Variants in DIPK2A observed in about 807,000 individuals in gnomAD.
DIPK2A encodes the protein divergent protein kinase domain 2A.
A neutral mutation model predicts 39.0 loss-of-function variants in DIPK2A; 27 were observed. That is an observed-to-expected ratio of 0.69 (90% CI 0.51 to 0.96). The LOEUF (loss-of-function observed/expected upper bound fraction) is 0.96, where lower values mean the gene tolerates loss of function less well. Among genes scored for constraint, DIPK2A ranks in the 40% least tolerant of loss-of-function variants. The pLI is 0.00. For missense variants in DIPK2A, 528 were observed against 571.3 expected (o/e 0.92, Z 0.77); for synonymous variants, 298 against 240.8 (o/e 1.24, Z -2.20).
chr3:143,976,551 T>TGA (rs1328332012), intron 1 of DIPK2A, among the ~76,000 whole-genome samples: 13 of 96,568 alleles, frequency 1.3e-4, no homozygotes, highest in Non-Finnish European at 2.5e-4. Flanking sequence ...TGTGTGTGTG[T>TGA]GTGTGAGAGA....
At chr3:143,982,689 A>C (rs1465916788) in intron 1 of DIPK2A, among the ~76,000 whole-genome samples, 1 of 152,218 alleles carries the variant, frequency 6.6e-6, no homozygotes, top group Non-Finnish European at 1.5e-5. Context: ...AACAGCATCA[A>C]CTAATGAGCA....
intron 2 of DIPK2A, among the ~76,000 whole-genome samples, chr3:143,987,517 T>C (rs2087920696): frequency 6.6e-6 from 1 of 152,222 alleles, no homozygotes; most frequent in Non-Finnish European, 1.5e-5. Context: ...CTCTTTTCTT[T>C]CCACTTTCTA....
At chr3:143,973,950 C>G (rs2087694550) in intron 1 of DIPK2A, among the ~76,000 whole-genome samples, 1 of 152,262 alleles carries the variant, frequency 6.6e-6, no homozygotes, top group Middle Eastern at 3.4e-3. Context: ...GTGCGGTGTC[C>G]TTGAACAGTG....
chr3:143,983,604 G>A (rs555476171), intron 1 of DIPK2A, among the ~76,000 whole-genome samples: 31 of 152,200 alleles, frequency 2.0e-4, no homozygotes, highest in South Asian at 6.2e-4. Context: ...AGGAGAAAAC[G>A]AGAAAGGTGT....
intron 1 of DIPK2A, 154 bp downstream of exon 1, chr3:143,973,143 C>A: frequency 3.4e-6 from 4 of 1,170,172 alleles, no homozygotes; most frequent in Non-Finnish European, 4.9e-6. Flanking sequence ...CCGGGGGAGC[C>A]CCGGGGCTGT....
Position 143,989,775 on chromosome 3 carries a change from T to C in DIPK2A, c.1227T>C (p.Tyr409=), listed in dbSNP as rs1388982540. The C allele has an allele frequency of 2.5e-6, 4 of 1,614,074 alleles. No individual in the cohort carries two copies. The highest frequency in any genetic ancestry group is 3.4e-6 in the Non-Finnish European group (4 of 1,180,050). Residue 409 remains tyrosine (Y), a synonymous_variant, in exon 3 of 3, where the codon TAT becomes TAC. Transcript: ENST00000315691. ...LDECANPKKR[Y]GRFQAAKELR... is the part of the protein sequence containing the mutation. ...AGTGTGCCAACCCAAAGAAGCGCTA[T>C]GGCAGATTCCAGGCTGCAAAAGAAC...
At position 143,990,253 on chromosome 3, in the gene DIPK2A, GT is replaced by G. The variant is rs1241857451; in HGVS notation, c.*416del. 5.9e-5 allele frequency: 9 copies of G among 152,598 alleles called. No homozygotes were observed. The highest frequency in any genetic ancestry group is 5.8e-4 in the Admixed American group (9 of 15,466). The allele number at this position is 152,598 out of a possible 1,614,324, so 9.5% of individuals were successfully genotyped here. ...TTTGAATGTCAAGTCAGATTGGTCT[GT>G]TTTATAGGCCGCTTTTTCCTTCTGA... On this transcript the variant is annotated 3_prime_UTR_variant, in exon 3 of 3. Transcript: ENST00000315691.
At chr3:143,986,810 C>A (rs1425974539) in intron 2 of DIPK2A, among the ~76,000 whole-genome samples, 17 of 151,208 alleles carry the variant, frequency 1.1e-4, no homozygotes, top group Admixed American at 1.1e-3. Flanking sequence ...AGGTCTAGAA[C>A]CAATTCAGTT....
chr3:143,973,125 G>C, intron 1 of DIPK2A, 136 bp downstream of exon 1: 1 of 1,239,092 alleles, frequency 8.1e-7, no homozygotes, highest in South Asian at 1.3e-5. Context: ...GCGTGGGAAG[G>C]GGCGTCTCCG....
intron 2 of DIPK2A, among the ~76,000 whole-genome samples, chr3:143,986,722 C>CAA (rs11293429): frequency 4.0e-4 from 27 of 66,918 alleles, no homozygotes; most frequent in South Asian, 5.5e-4. Context: ...GACTCCGTCT[C>CAA]AAAAAAAAAA....
Position 143,989,654 on chromosome 3 carries a change from CCAGACATGCCACCTGGCGTGG to C in DIPK2A, c.1109_1129del (p.Arg370_Gly376del). On this transcript the variant is annotated inframe_deletion, in exon 3 of 3. Coordinates refer to ENST00000315691, the MANE Select transcript of DIPK2A (RefSeq NM_173552.5). ...TATGCTGTTTGTCAGAACCTCTTATCCAGACATGCCACCTGGCGTGGCACTTCTGGAGGACTCCTTCATGAT... is the reference window on the plus strand; with the variant it reads ...TATGCTGTTTGTCAGAACCTCTTATCCACTTCTGGAGGACTCCTTCATGAT... 6.2e-7 allele frequency: 1 copy of C among 1,614,212 alleles called. No individual in the cohort carries two copies. The highest frequency in any genetic ancestry group is 8.5e-7 in the Non-Finnish European group (1 of 1,180,032).
At chr3:143,985,958 G>A (rs7651993) in intron 2 of DIPK2A, 112 bp downstream of exon 2, 65 of 796,420 alleles carry the variant, frequency 8.2e-5, no homozygotes, top group Middle Eastern at 3.5e-4. Context: ...AACTTTAAGC[G>A]TCTTTCTTTG....
Position 143,989,871 on chromosome 3 carries a change from T to G in DIPK2A, c.*30T>G. The G allele has an allele frequency of 1.3e-6, 2 of 1,551,280 alleles. No individual in the cohort carries two copies. The highest frequency in any genetic ancestry group is 1.8e-6 in the Non-Finnish European group (2 of 1,130,938). On this transcript the variant is annotated 3_prime_UTR_variant, in exon 3 of 3. Coordinates refer to ENST00000315691, the MANE Select transcript of DIPK2A (RefSeq NM_173552.5). ...TGGTGAACTTTTCTTTTTTTCTCCA[T>G]TTAAACAGCACTGGCTAAAACTAAA...
In DIPK2A at chr3:143,972,530, C is replaced by T. The variant is rs146742339; in HGVS notation, c.198C>T (p.Arg66=). ...GCTTCGGCACGAGCTGGTGCCGCCGCTTCCTCAACGGGCAGGTGGTATTCG... is the reference window on the plus strand; with the variant it reads ...GCTTCGGCACGAGCTGGTGCCGCCGTTTCCTCAACGGGCAGGTGGTATTCG... ...PACFGTSWCR[R]FLNGQVVFEA... The change falls in exon 1 of 3, where the codon CGC becomes CGT. Residue 66 remains arginine (R), a synonymous_variant. Transcript: ENST00000315691. 7.6e-4 allele frequency: 1,219 copies of T among 1,612,074 alleles called. 6 individuals are homozygous for T. In the African/African-American group the frequency reaches 0.014, roughly 19 times the overall value.
intron 1 of DIPK2A, among the ~76,000 whole-genome samples, chr3:143,974,580 G>T (rs904061585): frequency 6.6e-6 from 1 of 152,198 alleles, no homozygotes; most frequent in African/African-American, 2.4e-5. Flanking sequence ...CTTGGAGATC[G>T]TGTTAGCATT....
chr3:143,973,242 C>A, intron 1 of DIPK2A: 1 of 1,169,790 alleles, frequency 8.5e-7, no homozygotes, highest in Non-Finnish European at 1.2e-6. Context: ...GTGGATCTTT[C>A]AACGCCAGAG....
At chr3:143,977,928 C>T (rs540278739) in intron 1 of DIPK2A, among the ~76,000 whole-genome samples, 45 of 152,226 alleles carry the variant, frequency 3.0e-4, no homozygotes, top group African/African-American at 1.0e-3. Context: ...CATTTGACAT[C>T]CTGGACTAGT....
chr3:143,984,531 C>G (rs565014532), intron 1 of DIPK2A, among the ~76,000 whole-genome samples: 1 of 151,746 alleles, frequency 6.6e-6, no homozygotes, highest in African/African-American at 2.4e-5. Context: ...CTGGGGATGG[C>G]TAGTTGGTGG....
In DIPK2A at chr3:143,991,066, C is replaced by G. The variant is rs2087980009; in HGVS notation, c.*1225C>G. On this transcript the variant is annotated 3_prime_UTR_variant, in exon 3 of 3. Transcript: ENST00000315691. Reference sequence around the variant, plus strand: ...GTCAGCACACTTTGGTCTTCTTTACCTAAGGGTTAAACATCAGAACATCAA... The same window carrying G: ...GTCAGCACACTTTGGTCTTCTTTACGTAAGGGTTAAACATCAGAACATCAA... 6.6e-6 allele frequency: 1 copy of G among 152,422 alleles called. No individual in the cohort carries two copies. The highest frequency in any genetic ancestry group is 6.5e-5 in the Admixed American group (1 of 15,278). 9.4% of individuals were successfully genotyped at this position (152,422 alleles called of 1,614,324 possible).
Sources: gnomAD v4.1 joint callset for allele counts (sites outside exome capture counted in the v4.1 genomes callset) on GRCh38, gnomAD v4.1.1 for gene constraint, MANE v1.5 for transcripts, NCBI Gene and HGNC (gene_info 2026-07-23, HGNC 2026-07-21) for gene names.